Variants in ERCC8 observed in about 807,000 individuals in gnomAD.
ERCC8 encodes the protein ERCC excision repair 8, CSA ubiquitin ligase complex subunit.
A neutral mutation model predicts 54.9 loss-of-function variants in ERCC8; 52 were observed. The observed-to-expected ratio is 0.95, with a 90% CI of 0.76 to 1.19. The LOEUF (loss-of-function observed/expected upper bound fraction) is 1.19, where lower values mean the gene tolerates loss of function less well. Ranked by LOEUF, ERCC8 falls within the 50% of genes most tolerant of loss-of-function variation. The pLI, the probability that ERCC8 is intolerant of heterozygous loss-of-function variation, is 0.00. For missense variants in ERCC8, 514 were observed against 466.1 expected (o/e 1.10, Z -0.95); for synonymous variants, 146 against 157.2 (o/e 0.93, Z 0.53).
chr5:60,892,203 T>C (rs1394430286), intron 9 of ERCC8: 1 of 530,542 alleles, frequency 1.9e-6, no homozygotes, highest in East Asian at 4.9e-5. Context: ...CGATTCGGAT[T>C]GGTGCAATAA....
chr5:60,894,129 C>T (rs570401917), intron 9 of ERCC8, among the ~76,000 whole-genome samples: 14 of 151,978 alleles, frequency 9.2e-5, no homozygotes, highest in Non-Finnish European at 1.5e-4. Context: ...GGACTACAGG[C>T]GACCGCCACC....
intron 1 of ERCC8, among the ~76,000 whole-genome samples, chr5:60,938,350 A>ATTTTTTTTTTTTTTTTTTTTTTTTTT (rs1231887020): frequency 2.4e-5 from 1 of 41,042 alleles, no homozygotes; most frequent in Non-Finnish European, 4.2e-5. Flanking sequence ...ACCTTTTTGA[A>ATTTTTTTTTTTTTTTTTTTTTTTTTT]TTTTTTTTTT....
At chr5:60,939,254 A>T (rs948635812) in intron 1 of ERCC8, among the ~76,000 whole-genome samples, 2 of 152,170 alleles carry the variant, frequency 1.3e-5, no homozygotes, top group African/African-American at 4.8e-5. Context: ...TTATTATTAT[A>T]TATTTACATT....
At position 60,873,765 on chromosome 5, in the gene ERCC8, T is replaced by C. The variant is rs1747917132; in HGVS notation, c.*850A>G. On this transcript the variant is annotated 3_prime_UTR_variant, in exon 12 of 12. Coordinates refer to ENST00000676185, the MANE Select transcript of ERCC8 (RefSeq NM_000082.4). Reference sequence around the variant, plus strand: ...AAAGCCTCATTTACTAGTCTACTGCTGGTAAGGATCAGGAAGGGAAAATTA... The same window carrying C: ...AAAGCCTCATTTACTAGTCTACTGCCGGTAAGGATCAGGAAGGGAAAATTA... 1 of 152,184 alleles carries C rather than the reference T, an allele frequency of 6.6e-6. No homozygotes were observed. The highest frequency in any genetic ancestry group is 2.4e-5 in the African/African-American group (1 of 41,454). The allele number at this position is 152,184 out of a possible 1,614,324, so 9.4% of individuals were successfully genotyped here.
At chr5:60,893,419 C>T (rs1379523531) in intron 9 of ERCC8, 2 of 914,098 alleles carry the variant, frequency 2.2e-6, no homozygotes, top group Non-Finnish European at 3.7e-6. Context: ...CAACCCTCTT[C>T]TTTATTTCAG....
rs1747778881 is a variant in ERCC8 at position 60,867,516 on chromosome 5, A to G, written c.*7099T>C. The stretch of plus-strand genomic sequence containing the variant: ...CTGAGTTATTCTAATAACTTTTTCC[A>G]TAATACTCTGAATTTTGCATATATA... On this transcript the variant is annotated 3_prime_UTR_variant, in exon 12 of 12. Transcript: ENST00000676185. 6.6e-6 allele frequency among the ~76,000 whole-genome samples: 1 copy of G among 152,222 alleles called. No individual in the cohort carries two copies. The highest frequency in any genetic ancestry group is 2.4e-5 in the African/African-American group (1 of 41,470).
At chr5:60,922,765 A>G (rs1749636843) in intron 2 of ERCC8, among the ~76,000 whole-genome samples, 1 of 152,168 alleles carries the variant, frequency 6.6e-6, no homozygotes. Context: ...CACTCTGCTA[A>G]AACAACTGTC....
chr5:60,870,594 G>A lies in ERCC8; in HGVS notation c.*4021C>T, dbSNP rs376930526. Among the ~76,000 whole-genome samples the A allele has an allele frequency of 1.9e-4, 29 of 151,460 alleles. No homozygotes were observed. The highest frequency in any genetic ancestry group is 3.4e-3 in the Middle Eastern group (1 of 294). ...GGAAAATTGCTTGAACCTGGGAAGC[G>A]GAGGTTGCAGTGAGCTGAGATGGCG... is the stretch of plus-strand genomic sequence containing the variant. On this transcript the variant is annotated 3_prime_UTR_variant, in exon 12 of 12. Coordinates refer to ENST00000676185, the MANE Select transcript of ERCC8 (RefSeq NM_000082.4).
chr5:60,936,684 CT>C (rs1750076627), intron 1 of ERCC8, among the ~76,000 whole-genome samples: 1 of 152,148 alleles, frequency 6.6e-6, no homozygotes, highest in South Asian at 2.1e-4. Context: ...CTTAGCACCA[CT>C]TTTGCTGTAT....
In ERCC8 at chr5:60,928,883, C is replaced by G. The variant is rs1460718993; in HGVS notation, c.154G>C (p.Glu52Gln). The G allele has an allele frequency of 4.4e-6, 7 of 1,600,256 alleles. No homozygotes were observed. Among genetic ancestry groups the G allele is most frequent in the Non-Finnish European group, 6.0e-6 (7 of 1,168,740 alleles). ...ACTTACTATCTCCCTTCAACAGGTT[C>G]AATGTCAAGGGTGTTAATTCCACCG... The part of the protein sequence containing the change: ...HGGGINTLDI[E>Q]PVEGRYMLSG... Residue 52 changes from glutamate (E) to glutamine (Q), a missense_variant, in exon 2 of 12, where the codon GAA (glutamate) becomes CAA (glutamine). By Grantham distance (29) the Glu-to-Gln change is conservative (BLOSUM62 2). Transcript: ENST00000676185.
rs2112451789 is a variant in ERCC8, at chr5:60,874,583, C to T, written c.*32G>A. 1 of 1,599,720 alleles carries T rather than the reference C, an allele frequency of 6.3e-7. No homozygotes were observed. Among genetic ancestry groups the T allele is most frequent in the South Asian group, 1.1e-5 (1 of 90,184 alleles). Reference sequence around the variant, plus strand: ...AAACACAGTCTCATTTAAAAAGTTTCAGCAGAGACAAAAAGGTACTAAAGA... The same window carrying T: ...AAACACAGTCTCATTTAAAAAGTTTTAGCAGAGACAAAAAGGTACTAAAGA... On this transcript the variant is annotated 3_prime_UTR_variant, in exon 12 of 12. Transcript: ENST00000676185.
intron 4 of ERCC8, chr5:60,909,601 C>T (rs1749194517): frequency 6.5e-6 from 1 of 153,454 alleles, no homozygotes; most frequent in Non-Finnish European, 1.4e-5. Flanking sequence ...AAATATATTT[C>T]TCTTCCTCAT....
chr5:60,891,397 T>C (rs955016742), intron 9 of ERCC8, among the ~76,000 whole-genome samples: 3 of 152,188 alleles, frequency 2.0e-5, no homozygotes, highest in Non-Finnish European at 4.4e-5. Flanking sequence ...AAGACATTAG[T>C]GATACAAGTG....
chr5:60,881,782 G>A (rs895320291), intron 11 of ERCC8, among the ~76,000 whole-genome samples: 3 of 152,150 alleles, frequency 2.0e-5, no homozygotes, highest in Admixed American at 6.5e-5. Context: ...ACTAAGAAAG[G>A]GAATTCCCTG....
intron 1 of ERCC8, among the ~76,000 whole-genome samples, chr5:60,942,412 G>A (rs955149323): frequency 2.0e-5 from 3 of 152,022 alleles, no homozygotes; most frequent in African/African-American, 4.8e-5. Context: ...GATGTCCATC[G>A]ACAAGTGACT....
intron 2 of ERCC8, among the ~76,000 whole-genome samples, chr5:60,925,561 TG>T (rs1388453046): frequency 6.6e-6 from 1 of 152,198 alleles, no homozygotes; most frequent in Non-Finnish European, 1.5e-5. Context: ...ACCAACCTGT[TG>T]GTTACTTTGG....
At position 60,872,986 on chromosome 5, in the gene ERCC8, G is replaced by C. The variant is rs1274306385; in HGVS notation, c.*1629C>G. Among the ~76,000 whole-genome samples the C allele has an allele frequency of 4.6e-5, 7 of 152,196 alleles. No homozygotes were observed. Among genetic ancestry groups the C allele is most frequent in the African/African-American group, 1.7e-4 (7 of 41,444 alleles). On this transcript the variant is annotated 3_prime_UTR_variant, in exon 12 of 12. Transcript: ENST00000676185. Reference sequence around the variant, plus strand: ...ACAAACAGCTGATCTCATAGAAGTAGAGAGTAGAATGGTGGTTACCAGGAG... The same window carrying C: ...ACAAACAGCTGATCTCATAGAAGTACAGAGTAGAATGGTGGTTACCAGGAG...
chr5:60,899,385 A>G (rs1200210000), intron 8 of ERCC8, among the ~76,000 whole-genome samples: 2 of 152,090 alleles, frequency 1.3e-5, no homozygotes, highest in African/African-American at 4.8e-5. Flanking sequence ...AAGTTAATTC[A>G]CAAAAATTTC....
rs906678233 is a variant in ERCC8, at chr5:60,890,909, C to T, written c.1021G>A (p.Val341Ile). The change falls in exon 10 of 12, where the codon GTA (valine) becomes ATA (isoleucine). Residue 341 changes from valine (V) to isoleucine (I), a missense_variant. Val to Ile is a conservative substitution (Grantham distance 29, BLOSUM62 3). Transcript: ENST00000676185. The stretch of plus-strand genomic sequence containing the variant: ...CTTACCTGGAAATTTGACTGAAATA[C>T]ACAGCAGTCAACAGTTTTATAATGT... ...KGHYKTVDCC[V>I]FQSNFQELYS... 1 of 1,613,142 alleles carries T rather than the reference C, an allele frequency of 6.2e-7. No homozygotes were observed. Among genetic ancestry groups the T allele is most frequent in the South Asian group, 1.1e-5 (1 of 91,056 alleles).
Sources: gnomAD v4.1 joint callset for allele counts (sites outside exome capture counted in the v4.1 genomes callset) on GRCh38, gnomAD v4.1.1 for gene constraint, MANE v1.5 for transcripts, NCBI Gene and HGNC (gene_info 2026-07-23, HGNC 2026-07-21) for gene names.